CHODL: variants seen among roughly 807,000 people sequenced by gnomAD.
CHODL encodes the protein transmembrane protein MT75.
Under a neutral mutation model 34.5 loss-of-function variants are expected in CHODL, and 29 were observed. The ratio of observed to expected loss-of-function variants is 0.84; its 90% CI spans 0.63 to 1.15. CHODL has a LOEUF of 1.15. CHODL is among the 50% of genes most tolerant of loss of function. The pLI is 0.00. For synonymous variants in CHODL, 125 were observed against 116.1 expected, an observed-to-expected ratio of 1.08 and a Z score of -0.49; for missense variants, 332 against 332.5, an observed-to-expected ratio of 1.00 and a Z score of 0.01.
chr21:18,110,726 T>C lies in CHODL; in HGVS notation c.-45+82755T>C, dbSNP rs112706732. Among the ~76,000 whole-genome samples, 586 of 152,278 alleles carry C rather than the reference T, an allele frequency of 3.8e-3. 5 individuals carry two copies. The highest frequency in any genetic ancestry group is 0.012 in the African/African-American group (499 of 41,552). ...CAAAAGCATTTGGAAAAACTTAAAATTTCCCACTTTGTAAGTATAAATCAC... is the reference window on the plus strand; with the variant it reads ...CAAAAGCATTTGGAAAAACTTAAAACTTCCCACTTTGTAAGTATAAATCAC... On this transcript the variant is annotated intron_variant, in intron 2 of 6. Transcript: ENST00000400127.
At chr21:17,959,868 A>G (rs549966212) in intron 1 of CHODL, among the ~76,000 whole-genome samples, 2 of 152,332 alleles carry the variant, frequency 1.3e-5, no homozygotes, top group Non-Finnish European at 2.9e-5. Context: ...CAGTGTAATT[A>G]TATTTATAAT....
At chr21:18,251,763 A>G (rs1242871455) in intron 1 of CHODL, among the ~76,000 whole-genome samples, 2 of 142,824 alleles carry the variant, frequency 1.4e-5, no homozygotes, top group Non-Finnish European at 3.0e-5. Context: ...ATTTTAATAT[A>G]TAAAATAAAT....
chr21:18,209,132 C>A (rs1027148867), intron 2 of CHODL, among the ~76,000 whole-genome samples: 11 of 152,282 alleles, frequency 7.2e-5, no homozygotes, highest in African/African-American at 2.6e-4. Flanking sequence ...TGGCCCTGGG[C>A]AGATCCAGAG....
At chr21:18,112,938 C>A (rs1380170165) in intron 2 of CHODL, among the ~76,000 whole-genome samples, 1 of 152,050 alleles carries the variant, frequency 6.6e-6, no homozygotes, top group East Asian at 1.9e-4. Flanking sequence ...GTCAAAAAGC[C>A]TCTATACAGC....
In CHODL at chr21:18,245,034, G is replaced by A. The variant is rs990606565; in HGVS notation, c.-190G>A. 2 of 488,634 alleles carry A rather than the reference G, an allele frequency of 4.1e-6. No homozygotes were observed. The highest frequency in any genetic ancestry group is 5.3e-4 in the Middle Eastern group (1 of 1,900). The allele number at this position is 488,634 out of a possible 1,614,324, so 30.3% of individuals were successfully genotyped here. ...ACTCCAGCCCCGCACATCCACGCGC[G>A]GCACAGGCGCGGCAGGCGGCAGGTC... On this transcript the variant is annotated 5_prime_UTR_variant, in exon 1 of 6. Coordinates refer to ENST00000299295, the MANE Select transcript of CHODL (RefSeq NM_024944.3).
intron 2 of CHODL, among the ~76,000 whole-genome samples, chr21:18,123,790 G>T (rs749322664): frequency 6.6e-6 from 1 of 152,110 alleles, no homozygotes; most frequent in East Asian, 1.9e-4. Flanking sequence ...TGCGGGGCGG[G>T]TGGCATTCAA....
intron 1 of CHODL, among the ~76,000 whole-genome samples, chr21:18,001,378 T>G (rs1216914715): frequency 6.6e-6 from 1 of 152,330 alleles, no homozygotes; most frequent in East Asian, 1.9e-4. Flanking sequence ...GCTGCTTCCA[T>G]GGGGATGTTT....
chr21:18,096,311 A>G (rs2065139101), intron 2 of CHODL, among the ~76,000 whole-genome samples: 1 of 152,186 alleles, frequency 6.6e-6, no homozygotes, highest in Non-Finnish European at 1.5e-5. Flanking sequence ...AAATCTGGGC[A>G]TTCTAAAAAA....
Position 17,994,674 on chromosome 21 carries a change from G to A in CHODL, c.-144-33198G>A, listed in dbSNP as rs559813439. Among the ~76,000 whole-genome samples the A allele has an allele frequency of 7.1e-4, 108 of 152,292 alleles. 1 individual carries two copies. In the South Asian group the frequency reaches 0.017, roughly 23 times the overall value. ...ATTTCTAGGCTTCTGGATGATGTGCGTCAGTGACAGCAGTGGCAGTGGCAG... is the reference window on the plus strand; with the variant it reads ...ATTTCTAGGCTTCTGGATGATGTGCATCAGTGACAGCAGTGGCAGTGGCAG... On this transcript the variant is annotated intron_variant, in intron 1 of 6. Coordinates refer to the CHODL transcript ENST00000400127.
chr21:18,052,171 G>A (rs746503599), intron 2 of CHODL, among the ~76,000 whole-genome samples: 8 of 151,876 alleles, frequency 5.3e-5, no homozygotes, highest in African/African-American at 1.5e-4. Context: ...TGGTATTTAC[G>A]TATACTAAAG....
intron 2 of CHODL, among the ~76,000 whole-genome samples, chr21:18,043,041 A>G (rs2064395716): frequency 6.6e-6 from 1 of 152,032 alleles, no homozygotes; most frequent in Admixed American, 6.6e-5. Context: ...TACATTAGGA[A>G]GACAAATTAT....
chr21:17,978,625 G>A (rs2063688694), intron 1 of CHODL, among the ~76,000 whole-genome samples: 1 of 151,862 alleles, frequency 6.6e-6, no homozygotes. Flanking sequence ...GGCGGAGGCA[G>A]GAGAATGGCG....
intron 1 of CHODL, among the ~76,000 whole-genome samples, chr21:17,991,515 G>A (rs2063796510): frequency 6.6e-6 from 1 of 151,970 alleles, no homozygotes; most frequent in Non-Finnish European, 1.5e-5. Context: ...TGGTGAGATG[G>A]TATTTCATTG....
At chr21:18,111,998 A>G (rs1190823229) in intron 2 of CHODL, among the ~76,000 whole-genome samples, 1 of 152,218 alleles carries the variant, frequency 6.6e-6, no homozygotes, top group African/African-American at 2.4e-5. Flanking sequence ...ATATTCCTTT[A>G]TGCAAAAACA....
intron 1 of CHODL, among the ~76,000 whole-genome samples, chr21:17,930,004 T>C (rs1444441103): frequency 6.6e-6 from 1 of 152,188 alleles, no homozygotes; most frequent in African/African-American, 2.4e-5. Flanking sequence ...CCTGAGCATT[T>C]TGGCTGTGGC....
At chr21:18,212,453 T>C (rs1180820381) in intron 2 of CHODL, among the ~76,000 whole-genome samples, 1 of 152,168 alleles carries the variant, frequency 6.6e-6, no homozygotes, top group African/African-American at 2.4e-5. Context: ...TTTTAAAGCC[T>C]ATACCTTTAG....
rs2074127133 is a variant in CHODL, at chr21:18,245,380, C to A, written c.79+78C>A. 4 of 1,267,558 alleles carry A rather than the reference C, an allele frequency of 3.2e-6. No individual in the cohort carries two copies. The East Asian group carries it at 8.7e-5, about 28-fold the overall frequency. The allele number at this position is 1,267,558 out of a possible 1,614,324, so 78.5% of individuals were successfully genotyped here. On this transcript the variant is annotated intron_variant, in intron 1 of 5. Coordinates refer to ENST00000299295, the MANE Select transcript of CHODL (RefSeq NM_024944.3). ...GCGCGGCGGGCAGCCTGTTCTCGGG[C>A]GGAGGCTCTCCGGGGCGTTGGAAAC...
chr21:18,158,923 T>C (rs1406522181), intron 2 of CHODL, among the ~76,000 whole-genome samples: 1 of 152,000 alleles, frequency 6.6e-6, no homozygotes, highest in African/African-American at 2.4e-5. Flanking sequence ...GTATTGTGCA[T>C]GTAGGCAAAT....
intron 2 of CHODL, among the ~76,000 whole-genome samples, chr21:18,181,502 C>G (rs1187165278): frequency 6.6e-6 from 1 of 152,086 alleles, no homozygotes; most frequent in African/African-American, 2.4e-5. Flanking sequence ...TCCTGGGTTC[C>G]CGCCATTCTC....
Sources: gnomAD v4.1 joint callset for allele counts (sites outside exome capture counted in the v4.1 genomes callset) on GRCh38, gnomAD v4.1.1 for gene constraint, MANE v1.5 for transcripts, NCBI Gene and HGNC (gene_info 2026-07-23, HGNC 2026-07-21) for gene names.